Variants in ATP13A4 observed in about 807,000 individuals in gnomAD.
ATP13A4 encodes probable cation-transporting ATPase 13A4.
In ATP13A4, 114 loss-of-function variants were observed where a neutral mutation model predicts 142.5. The observed-to-expected ratio is 0.80, with a 90% confidence interval of 0.69 to 0.93. The LOEUF (loss-of-function observed/expected upper bound fraction) is 0.93. Among genes scored for constraint, ATP13A4 ranks in the 40% least tolerant of loss-of-function variants. ATP13A4 has a pLI of 0.00. For missense variants in ATP13A4, 1,392 were observed against 1,454.0 expected (o/e 0.96, Z 0.69); for synonymous variants, 488 against 514.8 (o/e 0.95, Z 0.70).
intron 25 of ATP13A4, among the ~76,000 whole-genome samples, chr3:193,422,497 C>A (rs1358061972): frequency 6.7e-6 from 1 of 149,700 alleles, no homozygotes; most frequent in Non-Finnish European, 1.5e-5. Context: ...AGTACTAAAA[C>A]ATTTTTTAAA....
At chr3:193,574,071 T>G (rs1433894406) in intron 2 of ATP13A4, among the ~76,000 whole-genome samples, 1 of 152,204 alleles carries the variant, frequency 6.6e-6, no homozygotes, top group African/African-American at 2.4e-5. Context: ...ATATAAAGAA[T>G]AGAGAAATTC....
intron 1 of ATP13A4, among the ~76,000 whole-genome samples, chr3:193,527,377 G>T (rs1411992253): frequency 6.6e-6 from 1 of 152,054 alleles, no homozygotes; most frequent in Non-Finnish European, 1.5e-5. Flanking sequence ...ACTATGGGGG[G>T]GCCAACGTGG....
chr3:193,436,700 C>T (rs1046455683), intron 23 of ATP13A4, among the ~76,000 whole-genome samples: 2 of 151,746 alleles, frequency 1.3e-5, no homozygotes, highest in Non-Finnish European at 2.9e-5. Flanking sequence ...GATCCACCCA[C>T]CTCGGCCTCC....
intron 18 of ATP13A4, among the ~76,000 whole-genome samples, chr3:193,443,932 T>C (rs1370821380): frequency 6.6e-6 from 1 of 151,916 alleles, no homozygotes; most frequent in African/African-American, 2.4e-5. Context: ...ATCGTTTTAG[T>C]GAACAGACTC....
intron 1 of ATP13A4, among the ~76,000 whole-genome samples, chr3:193,582,410 G>C (rs1724568036): frequency 3.4e-5 from 5 of 148,822 alleles, no homozygotes; most frequent in Non-Finnish European, 7.4e-5. Context: ...GCCTCCCAAA[G>C]TGTTGGGACT....
chr3:193,478,799 G>C (rs1275856087), intron 8 of ATP13A4, among the ~76,000 whole-genome samples: 1 of 150,396 alleles, frequency 6.6e-6, no homozygotes, highest in Non-Finnish European at 1.5e-5. Flanking sequence ...ACCAAAACCA[G>C]GGAACGACAT....
intron 18 of ATP13A4, among the ~76,000 whole-genome samples, chr3:193,447,426 G>C (rs1449882725): frequency 1.3e-5 from 2 of 152,122 alleles, no homozygotes; most frequent in African/African-American, 4.8e-5. Context: ...GGTGAAATGG[G>C]AACAGAAAAT....
chr3:193,493,200 A>G (rs1474818125), intron 3 of ATP13A4, 40 bp from the exon 4 acceptor site: 2 of 1,570,928 alleles, frequency 1.3e-6, no homozygotes, highest in Non-Finnish European at 1.7e-6. Flanking sequence ...TAGTTTGAGG[A>G]TCAGAGAATA....
intron 2 of ATP13A4, among the ~76,000 whole-genome samples, chr3:193,576,287 C>A (rs544718273): frequency 1.3e-5 from 1 of 77,198 alleles, no homozygotes; most frequent in Non-Finnish European, 2.4e-5. Context: ...TTTTTTGAGA[C>A]GGAGTCTCGC....
intron 25 of ATP13A4, among the ~76,000 whole-genome samples, chr3:193,427,417 C>A (rs1715724963): frequency 6.6e-6 from 1 of 152,130 alleles, no homozygotes; most frequent in Non-Finnish European, 1.5e-5. Context: ...CATCAAGCTA[C>A]CAATGACTTT....
In ATP13A4 at chr3:193,477,888, T is replaced by C. The variant is rs1719062011; in HGVS notation, c.808+6048A>G. Among the ~76,000 whole-genome samples the C allele has an allele frequency of 3.3e-5, 5 of 152,154 alleles. No homozygotes were observed. In the Middle Eastern group the frequency reaches 0.014, roughly 414 times the overall value. ...CAGCATGTTTCCATGATGGAACTAC[T>C]AGCAAATGAACAACTGAACATTTAC... On this transcript the variant is annotated intron_variant, in intron 8 of 29. Transcript: ENST00000342695.
At chr3:193,502,095 T>C (rs1386004657) in intron 3 of ATP13A4, among the ~76,000 whole-genome samples, 1 of 151,952 alleles carries the variant, frequency 6.6e-6, no homozygotes, top group South Asian at 2.1e-4. Context: ...CACCTGTGAA[T>C]AGCCACTGCA....
chr3:193,469,348 G>C (rs1164401877), intron 9 of ATP13A4, among the ~76,000 whole-genome samples: 1 of 152,182 alleles, frequency 6.6e-6, no homozygotes, highest in African/African-American at 2.4e-5. Flanking sequence ...GAATCAGGCT[G>C]GGCACAGTGG....
At position 193,457,048 on chromosome 3, in the gene ATP13A4, T is replaced by C. The variant is rs775578867; in HGVS notation, c.1867A>G (p.Met623Val). 6 of 1,614,078 alleles carry C rather than the reference T, an allele frequency of 3.7e-6. No individual in the cohort carries two copies. The Admixed American group carries it at 5.0e-5, about 13-fold the overall frequency. The change falls in exon 16 of 30, where the codon ATG (methionine) becomes GTG (valine). Residue 623 changes from methionine to valine, a missense_variant. Physicochemically the swap from Met to Val is conservative, Grantham distance 21. Transcript: ENST00000342695. ...QEMGGDRLAFMKGAPERVASF... is the reference protein window; with the variant it reads ...QEMGGDRLAFVKGAPERVASF... ...GCCACCCTCTCTGGTGCACCTTTCA[T>C]GAATGCCAGTCGGTCACCTCCCATC... is the stretch of plus-strand genomic sequence containing the variant.
At chr3:193,540,809 A>C (rs1201299963) in intron 1 of ATP13A4, among the ~76,000 whole-genome samples, 1 of 152,218 alleles carries the variant, frequency 6.6e-6, no homozygotes, top group Non-Finnish European at 1.5e-5. Flanking sequence ...GGTGGAACAC[A>C]AACAAAATAA....
At chr3:193,495,341 A>G (rs1322236663) in intron 3 of ATP13A4, among the ~76,000 whole-genome samples, 4 of 152,136 alleles carry the variant, frequency 2.6e-5, no homozygotes, top group Non-Finnish European at 5.9e-5. Context: ...TAGAAGCAAA[A>G]ATTGTCAACA....
chr3:193,433,746 G>T, intron 25 of ATP13A4, 99 bp downstream of exon 25: 1 of 828,278 alleles, frequency 1.2e-6, no homozygotes, highest in Non-Finnish European at 2.1e-6. Context: ...CATTGCTGCT[G>T]TTGCAGCTGC....
intron 3 of ATP13A4, among the ~76,000 whole-genome samples, chr3:193,495,452 T>C (rs561864314): frequency 2.0e-5 from 3 of 152,126 alleles, no homozygotes; most frequent in Admixed American, 6.5e-5. Flanking sequence ...TGAATAAACA[T>C]AAAATATCAC....
intron 29 of ATP13A4, chr3:193,403,840 A>C: frequency 2.0e-6 from 2 of 985,378 alleles, no homozygotes; most frequent in Non-Finnish European, 2.4e-6. Context: ...ACTGTCCCAC[A>C]GAATTAGAAC....
Sources: allele counts gnomAD v4.1 joint callset (sites outside exome capture counted in the v4.1 genomes callset), GRCh38; gene constraint gnomAD v4.1.1; transcripts MANE v1.5; gene names NCBI Gene and HGNC (gene_info 2026-07-23, HGNC 2026-07-21).